FBXL20: variants seen among roughly 807,000 people sequenced by gnomAD.
FBXL20 encodes the protein F-box/LRR-repeat protein 20.
FBXL20 carries 11 observed loss-of-function variants against 64.0 expected under a neutral mutation model. The observed-to-expected ratio is 0.17, with a 90% CI of 0.11 to 0.28. FBXL20 has a LOEUF of 0.28. FBXL20 is among the 10% of genes least tolerant of loss of function. FBXL20 has a pLI of 1.00. For missense variants in FBXL20, 303 were observed against 526.2 expected (o/e 0.58, Z 4.15); for synonymous variants, 184 against 189.0 (o/e 0.97, Z 0.22).
chr17:39,402,234 T>C (rs2048255171), upstream of FBXL20: 13 of 1,231,396 alleles, frequency 1.1e-5, no homozygotes, highest in Middle Eastern at 3.1e-4. Flanking sequence ...CCTCCTCTTC[T>C]GGATGTGTCT....
chr17:39,272,091 A>C (rs1288195738), intron 10 of FBXL20, among the ~76,000 whole-genome samples: 1 of 152,020 alleles, frequency 6.6e-6, no homozygotes, highest in Admixed American at 6.6e-5. Context: ...AGTATAAAAA[A>C]ATTTTTAAAT....
chr17:39,289,566 A>G (rs994809074), intron 6 of FBXL20, among the ~76,000 whole-genome samples: 2 of 151,794 alleles, frequency 1.3e-5, no homozygotes, highest in African/African-American at 4.8e-5. Context: ...CTGAGGTGGG[A>G]GCCCAGGAGA....
intron 1 of FBXL20, among the ~76,000 whole-genome samples, chr17:39,359,685 G>A (rs2047776036): frequency 6.6e-6 from 1 of 152,046 alleles, no homozygotes; most frequent in African/African-American, 2.4e-5. Context: ...TTGCTGCATT[G>A]CTCATGGGAA....
intron 6 of FBXL20, among the ~76,000 whole-genome samples, chr17:39,295,648 C>T (rs917598584): frequency 2.0e-5 from 3 of 152,016 alleles, no homozygotes; most frequent in Non-Finnish European, 4.4e-5. Context: ...GGCTATTAAA[C>T]GATAAAACAT....
At chr17:39,350,797 G>C (rs968101184) in intron 1 of FBXL20, among the ~76,000 whole-genome samples, 2 of 152,068 alleles carry the variant, frequency 1.3e-5, no homozygotes, top group African/African-American at 4.8e-5. Context: ...GCATCAACCC[G>C]GAACTTACAA....
In FBXL20 at chr17:39,256,988, T is replaced by G. The variant is rs1173262877; in HGVS notation, c.*4472A>C. 6.6e-6 allele frequency: 1 copy of G among 151,328 alleles called. No homozygotes were observed. The highest frequency in any genetic ancestry group is 1.9e-4 in the East Asian group (1 of 5,194). The allele number at this position is 151,328 out of a possible 1,614,324, so 9.4% of individuals were successfully genotyped here. A position where few individuals can be genotyped will look rare whatever the true frequency, so the allele number is the denominator to read the frequency against. On this transcript the variant is annotated 3_prime_UTR_variant, in exon 15 of 15. Transcript: ENST00000264658. The stretch of plus-strand genomic sequence containing the variant: ...TAGTAACGATGCATTTTTTTCTTTC[T>G]TTCTTTCTTTTTTTTTGAGATAGTC...
At chr17:39,295,809 A>C (rs1460160047) in intron 6 of FBXL20, among the ~76,000 whole-genome samples, 1 of 149,194 alleles carries the variant, frequency 6.7e-6, no homozygotes, top group Non-Finnish European at 1.5e-5. Context: ...ATATATATTA[A>C]GTCTTCTGGC....
intron 1 of FBXL20, among the ~76,000 whole-genome samples, chr17:39,392,215 G>A (rs958459176): frequency 6.6e-6 from 1 of 152,086 alleles, no homozygotes; most frequent in Non-Finnish European, 1.5e-5. Context: ...CAAGGCAGGT[G>A]GATCACCTGA....
At chr17:39,378,617 T>A (rs960219849) in intron 1 of FBXL20, among the ~76,000 whole-genome samples, 3 of 151,816 alleles carry the variant, frequency 2.0e-5, no homozygotes, top group African/African-American at 7.3e-5. Flanking sequence ...GGCTATAATT[T>A]TTTTTTTTTT....
chr17:39,287,871 C>T (rs916629267), intron 6 of FBXL20, among the ~76,000 whole-genome samples: 2 of 151,870 alleles, frequency 1.3e-5, no homozygotes, highest in African/African-American at 4.8e-5. Context: ...AAATCCTTGT[C>T]AACACTTGGC....
intron 1 of FBXL20, among the ~76,000 whole-genome samples, chr17:39,346,358 AT>A (rs2144579646): frequency 6.6e-6 from 1 of 152,116 alleles, no homozygotes; most frequent in African/African-American, 2.4e-5. Context: ...AAAGATAATC[AT>A]CATAATGAAT....
At chr17:39,396,927 A>G (rs2048189709) in intron 1 of FBXL20, among the ~76,000 whole-genome samples, 1 of 150,260 alleles carries the variant, frequency 6.7e-6, no homozygotes, top group African/African-American at 2.5e-5. Context: ...ACTGCACTCC[A>G]GCCTGGGCGA....
chr17:39,362,288 G>A (rs912650881), intron 1 of FBXL20, among the ~76,000 whole-genome samples: 12 of 150,416 alleles, frequency 8.0e-5, no homozygotes, highest in Non-Finnish European at 1.2e-4. Context: ...GCGAGACTCC[G>A]TCTCAAAAAA....
chr17:39,356,730 A>G (rs1218526979), intron 1 of FBXL20, among the ~76,000 whole-genome samples: 1 of 151,606 alleles, frequency 6.6e-6, no homozygotes, highest in Non-Finnish European at 1.5e-5. Context: ...ATCACCTCTC[A>G]CTGCAGCCTT....
intron 2 of FBXL20, among the ~76,000 whole-genome samples, chr17:39,309,791 C>CAA (rs111999882): frequency 0.02 from 1,118 of 56,178 alleles, 16 homozygotes; most frequent in African/African-American, 0.065. Context: ...GACTCCATCT[C>CAA]AAAAAAAAAA....
intron 1 of FBXL20, among the ~76,000 whole-genome samples, chr17:39,347,147 A>G (rs775557644): frequency 6.6e-5 from 10 of 152,180 alleles, no homozygotes; most frequent in Admixed American, 6.6e-5. Flanking sequence ...GCTGCAATAA[A>G]CATACATGTG....
intron 3 of FBXL20, among the ~76,000 whole-genome samples, chr17:39,301,564 C>A (rs1396013611): frequency 6.6e-6 from 1 of 151,998 alleles, no homozygotes; most frequent in African/African-American, 2.4e-5. Context: ...CCCGTCTCTA[C>A]TAAAAATACA....
At chr17:39,370,230 C>A in intron 1 of FBXL20, among the ~76,000 whole-genome samples, 1 of 152,006 alleles carries the variant, frequency 6.6e-6, no homozygotes, top group East Asian at 1.9e-4. Flanking sequence ...ATGCCTCACG[C>A]CTGTAATCCT....
chr17:39,315,985 GGCCAAGGTGGATCACTT>G (rs1597793302), intron 2 of FBXL20, among the ~76,000 whole-genome samples: 1 of 152,252 alleles, frequency 6.6e-6, no homozygotes, highest in East Asian at 1.9e-4. Flanking sequence ...CTTTTGGAAA[GGCCAAGGTGGATCACTT>G]GAACCTTAGA....
Sources: allele counts gnomAD v4.1 joint callset (sites outside exome capture counted in the v4.1 genomes callset), GRCh38; gene constraint gnomAD v4.1.1; transcripts MANE v1.5; gene names NCBI Gene and HGNC (gene_info 2026-07-23, HGNC 2026-07-21).